Variants in IREB2 observed in about 807,000 individuals in gnomAD.
IREB2 encodes the protein iron responsive element binding protein 2.
IREB2 carries 39 observed loss-of-function variants against 118.8 expected under a neutral mutation model. The ratio of observed to expected loss-of-function variants is 0.33; its 90% CI spans 0.25 to 0.43. The LOEUF (loss-of-function observed/expected upper bound fraction) is 0.43, where lower values mean the gene tolerates loss of function less well. Among genes scored for constraint, IREB2 ranks in the 20% least tolerant of loss-of-function variants. The pLI is 1.00. For synonymous variants in IREB2, 372 were observed against 392.2 expected, an observed-to-expected ratio of 0.95 and a Z score of 0.61; for missense variants, 900 against 1,147.3, an observed-to-expected ratio of 0.78 and a Z score of 3.11.
At chr15:78,469,553 A>G (rs1407817868) in intron 5 of IREB2, among the ~76,000 whole-genome samples, 1 of 151,970 alleles carries the variant, frequency 6.6e-6, no homozygotes, top group African/African-American at 2.4e-5. Context: ...GAGAAACCCC[A>G]TCTCTACTAA....
intron 10 of IREB2, among the ~76,000 whole-genome samples, chr15:78,480,715 C>T (rs954690693): frequency 2.2e-5 from 3 of 137,548 alleles, no homozygotes; most frequent in African/African-American, 8.1e-5. Flanking sequence ...AATGTCTGGC[C>T]GGGCGTGGTG....
chr15:78,493,152 C>T (rs1038199703), intron 18 of IREB2, among the ~76,000 whole-genome samples: 1 of 152,066 alleles, frequency 6.6e-6, no homozygotes, highest in African/African-American at 2.4e-5. Context: ...CATGGAGATG[C>T]AGTCAACACA....
upstream of IREB2, chr15:78,438,130 C>A (rs916735715): frequency 3.5e-6 from 2 of 568,506 alleles, no homozygotes; most frequent in Non-Finnish European, 6.4e-6. Flanking sequence ...CTTTGTTTTC[C>A]TGTCCGACGA....
chr15:78,454,805 C>G (rs1354209230), intron 2 of IREB2, among the ~76,000 whole-genome samples: 1 of 152,220 alleles, frequency 6.6e-6, no homozygotes, highest in South Asian at 2.1e-4. Flanking sequence ...GGGAGCCTCC[C>G]GCTTCAGCCT....
chr15:78,439,841 TAAG>T lies in IREB2; in HGVS notation c.70_72del (p.Lys24del), dbSNP rs754766121. The T allele has an allele frequency of 8.1e-6, 13 of 1,602,416 alleles. No individual in the cohort carries two copies. The highest frequency in any genetic ancestry group is 3.4e-5 in the Admixed American group (2 of 58,430). On this transcript the variant is annotated inframe_deletion, in exon 2 of 22. Coordinates refer to ENST00000258886, the MANE Select transcript of IREB2 (RefSeq NM_004136.4). ...TTGAAACATTAAATGACAGTTCACA[TAAG>T]AAGTTCTTCGATGTATCTAAACTTG...
rs976955850 is a variant in IREB2, at chr15:78,443,157, A to T, written c.106+3276A>T. ...AAAACTTAATTTATAAATGAGGCAC[A>T]GTAGAGATTAATAATAACTAATAAT... is the stretch of plus-strand genomic sequence containing the variant. On this transcript the variant is annotated intron_variant, in intron 2 of 21. Transcript: ENST00000258886. 2.0e-5 allele frequency among the ~76,000 whole-genome samples: 3 copies of T among 152,362 alleles called. No homozygotes were observed. In the South Asian group the frequency reaches 6.2e-4, roughly 32 times the overall value.
chr15:78,488,833 T>C (rs2051704077), intron 16 of IREB2, 62 bp downstream of exon 16: 2 of 983,846 alleles, frequency 2.0e-6, no homozygotes, highest in East Asian at 5.3e-5. Context: ...TTATTTCATA[T>C]ATCTTCTGAA....
chr15:78,440,366 TTTTC>T (rs973979646), intron 2 of IREB2, among the ~76,000 whole-genome samples: 10 of 124,206 alleles, frequency 8.1e-5, no homozygotes, highest in East Asian at 5.1e-4. Flanking sequence ...TTCTCTTTTC[TTTTC>T]TTTTTTTTTT....
chr15:78,480,686 TAAAA>T (rs373261767), intron 10 of IREB2, among the ~76,000 whole-genome samples: 15 of 89,742 alleles, frequency 1.7e-4, no homozygotes, highest in African/African-American at 4.2e-4. Flanking sequence ...GAGACTGTCT[TAAAA>T]AAAAAAAAAA....
intron 15 of IREB2, 121 bp downstream of exon 15, chr15:78,488,457 A>G (rs1212016309): frequency 2.2e-5 from 22 of 986,746 alleles, no homozygotes; most frequent in Non-Finnish European, 3.2e-5. Context: ...ACGTATGATA[A>G]TGTATAGTTA....
intron 8 of IREB2, 39 bp downstream of exon 8, chr15:78,473,420 A>G (rs764230887): frequency 2.6e-6 from 4 of 1,563,574 alleles, no homozygotes; most frequent in Non-Finnish European, 3.5e-6. Context: ...CTTACTGAAC[A>G]TTATTTTTAT....
Position 78,498,392 on chromosome 15 carries a change from A to C in IREB2, c.*249A>C. On this transcript the variant is annotated 3_prime_UTR_variant, in exon 22 of 22. Coordinates refer to ENST00000258886, the MANE Select transcript of IREB2 (RefSeq NM_004136.4). ...TGTGTTGTGGAAGAGACCTGTAAGT[A>C]TGGGGGGGGGGCGATATTTTATCAG... 2.2e-4 allele frequency: 27 copies of C among 120,260 alleles called. No homozygotes were observed. Among genetic ancestry groups the C allele is most frequent in the East Asian group, 4.4e-4 (3 of 6,766 alleles). 7.4% of individuals were successfully genotyped at this position (120,260 alleles called of 1,614,324 possible).
chr15:78,445,193 A>C (rs867569406), intron 2 of IREB2, among the ~76,000 whole-genome samples: 3 of 147,024 alleles, frequency 2.0e-5, no homozygotes, highest in Non-Finnish European at 3.0e-5. Context: ...GCTGGAGTGC[A>C]GTGGCACAGT....
At chr15:78,468,665 C>T (rs980595552) in intron 5 of IREB2, among the ~76,000 whole-genome samples, 5 of 151,760 alleles carry the variant, frequency 3.3e-5, no homozygotes, top group African/African-American at 9.7e-5. Flanking sequence ...CCAAATAATA[C>T]GTTAATTCCT....
intron 2 of IREB2, among the ~76,000 whole-genome samples, chr15:78,443,527 A>G (rs1253980520): frequency 6.6e-6 from 1 of 152,092 alleles, no homozygotes; most frequent in Non-Finnish European, 1.5e-5. Context: ...TACTCAGGGT[A>G]TCTCTATGGA....
Position 78,438,373 on chromosome 15 carries a change from C to A in IREB2, c.19+17C>A. The A allele has an allele frequency of 6.3e-7, 1 of 1,595,414 alleles. No homozygotes were observed. The highest frequency in any genetic ancestry group is 8.5e-7 in the Non-Finnish European group (1 of 1,171,720). On this transcript the variant is annotated intron_variant, in intron 1 of 21. Coordinates refer to ENST00000258886, the MANE Select transcript of IREB2 (RefSeq NM_004136.4). The stretch of plus-strand genomic sequence containing the variant: ...CAAAAGCAGGTCAGTTTCGGGCCTC[C>A]GAGCTGGGTCTGGCAGTTGGAAACG...
chr15:78,485,001 G>C (rs2051636577), intron 12 of IREB2, 81 bp downstream of exon 12: 1 of 1,287,362 alleles, frequency 7.8e-7, no homozygotes, highest in Non-Finnish European at 1.1e-6. Flanking sequence ...TTGTTTCTTA[G>C]ATGATGCATG....
In IREB2 at chr15:78,471,694, A is replaced by G. The variant is rs751090895; in HGVS notation, c.700-47A>G. The G allele has an allele frequency of 1.2e-5, 15 of 1,268,418 alleles. No individual in the cohort carries two copies. In the South Asian group the frequency reaches 1.2e-4, roughly 10 times the overall value. 78.6% of individuals were successfully genotyped at this position (1,268,418 alleles called of 1,614,324 possible). A position where few individuals can be genotyped will look rare whatever the true frequency, so the allele number is the denominator to read the frequency against. On this transcript the variant is annotated intron_variant, in intron 6 of 21. Transcript: ENST00000258886. ...ATATTACACCTTGATTGTGAGCACA[A>G]ATTTATATACTAACATTTGTATTTC...
Position 78,490,534 on chromosome 15 carries a change from C to T in IREB2, c.2181+8C>T. 6.2e-7 allele frequency: 1 copy of T among 1,601,690 alleles called. No individual in the cohort carries two copies. Among genetic ancestry groups the T allele is most frequent in the Non-Finnish European group, 8.5e-7 (1 of 1,173,268 alleles). ...TCATTTTTTGATAAACTTGTAAGTACTGTTTTACTATTTGATCTTTTAAAG... is the reference window on the plus strand; with the variant it reads ...TCATTTTTTGATAAACTTGTAAGTATTGTTTTACTATTTGATCTTTTAAAG... On this transcript the variant is annotated splice_region_variant and intron_variant, in intron 17 of 21. Coordinates refer to ENST00000258886, the MANE Select transcript of IREB2 (RefSeq NM_004136.4).
Sources: allele counts gnomAD v4.1 joint callset (sites outside exome capture counted in the v4.1 genomes callset), GRCh38; gene constraint gnomAD v4.1.1; transcripts MANE v1.5; gene names NCBI Gene and HGNC (gene_info 2026-07-23, HGNC 2026-07-21).